Variants in HERC1 observed in about 807,000 individuals in gnomAD.
HERC1 encodes HECT and RLD domain containing E3 ubiquitin protein ligase family member 1, also known as probable E3 ubiquitin-protein ligase HERC1.
In HERC1, 160 loss-of-function variants were observed where a neutral mutation model predicts 554.3. That is an observed-to-expected ratio of 0.29 (90% CI 0.25 to 0.33). The LOEUF (loss-of-function observed/expected upper bound fraction) is 0.33, where lower values mean the gene tolerates loss of function less well. HERC1 is among the 10% of genes least tolerant of loss of function. The pLI is 1.00. For missense variants in HERC1, 4,919 were observed against 5,918.5 expected (o/e 0.83, Z 5.54); for synonymous variants, 2,175 against 2,131.7 (o/e 1.02, Z -0.56).
intron 1 of HERC1, among the ~76,000 whole-genome samples, chr15:63,778,428 G>A (rs1352242181): frequency 6.6e-6 from 1 of 152,102 alleles, no homozygotes; most frequent in Non-Finnish European, 1.5e-5. Flanking sequence ...TAAGACAGCA[G>A]GTGCAATTTA....
chr15:63,643,194 C>A, intron 58 of HERC1, 136 bp from the exon 59 acceptor site: 1 of 808,398 alleles, frequency 1.2e-6, no homozygotes. Flanking sequence ...CAATCACATA[C>A]CTACTACAAA....
intron 2 of HERC1, among the ~76,000 whole-genome samples, chr15:63,766,707 C>T (rs1183904330): frequency 6.6e-6 from 1 of 152,222 alleles, no homozygotes; most frequent in African/African-American, 2.4e-5. Context: ...GACAGAGCTT[C>T]ACTCTTGTTG....
chr15:63,820,413 C>A (rs1465663680), intron 1 of HERC1, among the ~76,000 whole-genome samples: 1 of 152,142 alleles, frequency 6.6e-6, no homozygotes, highest in Non-Finnish European at 1.5e-5. Flanking sequence ...AAAAAGATAA[C>A]GGCCCACGAT....
intron 25 of HERC1, among the ~76,000 whole-genome samples, chr15:63,699,303 C>T (rs931768907): frequency 1.3e-5 from 2 of 152,296 alleles, no homozygotes; most frequent in African/African-American, 2.4e-5. Context: ...AAATGCTTAG[C>T]TTAAAATGCT....
intron 34 of HERC1, among the ~76,000 whole-genome samples, chr15:63,683,257 T>C (rs1480022868): frequency 6.6e-6 from 1 of 152,052 alleles, no homozygotes; most frequent in Admixed American, 6.6e-5. Context: ...AACATACTAG[T>C]GGGACACAAC....
chr15:63,705,412 T>C (rs1392371409), intron 25 of HERC1, among the ~76,000 whole-genome samples: 1 of 152,126 alleles, frequency 6.6e-6, no homozygotes, highest in Non-Finnish European at 1.5e-5. Flanking sequence ...CCACCACACC[T>C]GGCCCATTCT....
At chr15:63,647,297 A>C (rs2069405733) in intron 55 of HERC1, among the ~76,000 whole-genome samples, 1 of 151,760 alleles carries the variant, frequency 6.6e-6, no homozygotes, top group Non-Finnish European at 1.5e-5. Context: ...AAACACAATG[A>C]GATATCATCT....
intron 19 of HERC1, among the ~76,000 whole-genome samples, chr15:63,719,701 C>T (rs931431472): frequency 3.3e-5 from 5 of 152,100 alleles, no homozygotes; most frequent in Admixed American, 1.3e-4. Context: ...GCTGGAGAGT[C>T]CACATGCATT....
intron 1 of HERC1, among the ~76,000 whole-genome samples, chr15:63,783,267 T>C (rs2076339227): frequency 6.6e-6 from 1 of 152,174 alleles, no homozygotes; most frequent in Admixed American, 6.5e-5. Flanking sequence ...TGTCTTGTTT[T>C]AATAAATTGC....
At chr15:63,720,306 T>C (rs1300239897) in intron 19 of HERC1, among the ~76,000 whole-genome samples, 1 of 151,870 alleles carries the variant, frequency 6.6e-6, no homozygotes, top group African/African-American at 2.4e-5. Context: ...CACACCAGTA[T>C]TGTACTTTAA....
At position 63,622,875 on chromosome 15, in the gene HERC1, A is replaced by G. The variant is rs761793616; in HGVS notation, c.13628T>C (p.Ile4543Thr). 1.2e-6 allele frequency: 2 copies of G among 1,601,874 alleles called. No homozygotes were observed. Among genetic ancestry groups the G allele is most frequent in the Non-Finnish European group, 1.7e-6 (2 of 1,175,382 alleles). The change falls in exon 74 of 78, where the codon ATT (isoleucine) becomes ACT (threonine). Residue 4543 changes from isoleucine (I) to threonine (T), a missense_variant. This residue lies in a region of HERC1 where 284 missense variants were observed against 294.1 expected (regional missense o/e 0.97). Coordinates refer to ENST00000443617, the MANE Select transcript of HERC1 (RefSeq NM_003922.4). Reference sequence around the variant, plus strand: ...GGGAGAGGGTATAAGAAGGTCAACAATACCAGTTTCAAGTTCCTGCAGAAG... The same window carrying G: ...GGGAGAGGGTATAAGAAGGTCAACAGTACCAGTTTCAAGTTCCTGCAGAAG... ...TEMCQELETG[I>T]VDLLIPSPNA...
At chr15:63,652,099 G>A (rs1282204015) in intron 52 of HERC1, among the ~76,000 whole-genome samples, 1 of 152,086 alleles carries the variant, frequency 6.6e-6, no homozygotes. Flanking sequence ...TGATACGGAA[G>A]CAATATAATT....
In HERC1 at chr15:63,723,343, C is replaced by T. The variant is rs1202892482; in HGVS notation, c.3581G>A (p.Ser1194Asn). 2 of 1,566,258 alleles carry T rather than the reference C, an allele frequency of 1.3e-6. No individual in the cohort carries two copies. Among genetic ancestry groups the T allele is most frequent in the Non-Finnish European group, 1.7e-6 (2 of 1,155,096 alleles). The change falls in exon 19 of 78, where the codon AGT (serine) becomes AAT (asparagine). Residue 1194 changes from serine (S) to asparagine (N), a missense_variant. Around this residue, in one of 11 missense-constraint regions of HERC1, gnomAD observed 1,121 missense variants for 1,244.0 expected, o/e 0.90. Transcript: ENST00000443617. ...AGAAAGTGCTACTTCTAACAGGCAA[C>T]TCATACATTTATCTAAAAAAAATAC... Reference protein sequence around the residue: ...MDTPQLDKCMSCLLEVALSGN... With the variant: ...MDTPQLDKCMNCLLEVALSGN...
intron 48 of HERC1, among the ~76,000 whole-genome samples, chr15:63,657,767 T>C (rs2070128417): frequency 6.6e-6 from 1 of 152,174 alleles, no homozygotes; most frequent in African/African-American, 2.4e-5. Flanking sequence ...TTTTCTTTTA[T>C]ATTTAGATCT....
At chr15:63,704,729 C>G (rs1401535216) in intron 25 of HERC1, among the ~76,000 whole-genome samples, 1 of 143,266 alleles carries the variant, frequency 7.0e-6, no homozygotes, top group Non-Finnish European at 1.5e-5. Context: ...TACAAATACT[C>G]TGTAATTTTT....
intron 22 of HERC1, 31 bp downstream of exon 22, chr15:63,716,271 T>C (rs781031261): frequency 2.5e-6 from 4 of 1,570,004 alleles, no homozygotes; most frequent in Non-Finnish European, 3.5e-6. Context: ...TGCCACAGTT[T>C]GTATCTAGAA....
chr15:63,751,385 G>A (rs566562902), intron 8 of HERC1, among the ~76,000 whole-genome samples: 1 of 152,216 alleles, frequency 6.6e-6, no homozygotes, highest in South Asian at 2.1e-4. Context: ...AGGTTTGTGT[G>A]GTACTCTCTA....
chr15:63,658,152 A>G, intron 48 of HERC1, among the ~76,000 whole-genome samples: 1 of 152,096 alleles, frequency 6.6e-6, no homozygotes. Context: ...TCCCCTTTTT[A>G]CATTACACTC....
chr15:63,694,265 G>A lies in HERC1; in HGVS notation c.5480+47C>T. ...GGAAAGGGGGAATTCTAAAATGGAG[G>A]AAGACCAGACTTCATACAGTTCTAC... On this transcript the variant is annotated intron_variant, in intron 29 of 77. Coordinates refer to ENST00000443617, the MANE Select transcript of HERC1 (RefSeq NM_003922.4). This position sits in a 1 kb window ranked among gnomAD's most constrained non-coding sequence, Gnocchi z 4.3. 6.3e-7 allele frequency: 1 copy of A among 1,576,920 alleles called. No homozygotes were observed. The highest frequency in any genetic ancestry group is 8.6e-7 in the Non-Finnish European group (1 of 1,159,556).
Sources: gnomAD v4.1 joint callset for allele counts (sites outside exome capture counted in the v4.1 genomes callset) on GRCh38, gnomAD v4.1.1 for gene constraint, gnomAD v4.1.1 regional missense constraint, Gnocchi (gnomAD v3.1) non-coding constraint, MANE v1.5 for transcripts, NCBI Gene and HGNC (gene_info 2026-07-23, HGNC 2026-07-21) for gene names.